DAAM2: variants seen among roughly 807,000 people sequenced by gnomAD.
DAAM2 encodes the protein disheveled-associated activator of morphogenesis 2.
DAAM2 carries 39 observed loss-of-function variants against 120.7 expected under a neutral mutation model. That is an observed-to-expected ratio of 0.32 (90% CI 0.25 to 0.42). The LOEUF (loss-of-function observed/expected upper bound fraction) is 0.42. Among genes scored for constraint, DAAM2 ranks in the 10% least tolerant of loss-of-function variants. DAAM2 has a pLI of 1.00. For synonymous variants in DAAM2, 488 were observed against 524.9 expected, an observed-to-expected ratio of 0.93 and a Z score of 0.96; for missense variants, 1,283 against 1,401.7, an observed-to-expected ratio of 0.92 and a Z score of 1.35.
chr6:39,837,982 G>T (rs1763174814), intron 1 of DAAM2, among the ~76,000 whole-genome samples: 1 of 152,162 alleles, frequency 6.6e-6, no homozygotes, highest in African/African-American at 2.4e-5. Flanking sequence ...CAAACCACCT[G>T]TACCACCAGC....
At chr6:39,890,063 G>A (rs1379687467) in intron 17 of DAAM2, among the ~76,000 whole-genome samples, 1 of 152,162 alleles carries the variant, frequency 6.6e-6, no homozygotes, top group East Asian at 1.9e-4. Flanking sequence ...AGGAGGCGGA[G>A]GTTGCAGTGA....
At chr6:39,882,867 G>C (rs2504802) in intron 14 of DAAM2, among the ~76,000 whole-genome samples, 94,910 of 151,834 alleles carry the variant, frequency 0.63, 29,729 homozygotes, top group Middle Eastern at 0.7. Context: ...CTGGCCTTCA[G>C]AAGGCCACAG....
At position 39,801,296 on chromosome 6, in the gene DAAM2, C is replaced by T. The variant is rs570096493; in HGVS notation, c.-57+8831C>T. Among the ~76,000 whole-genome samples the T allele has an allele frequency of 6.0e-4, 91 of 152,280 alleles. 2 individuals carry two copies. The highest frequency in any genetic ancestry group is 4.7e-3 in the Admixed American group (72 of 15,308). ...GATTTCTCTACAAATAGAGCTGTGG[C>T]AAAACTGGGCAGACTGAGTGAATGT... On this transcript the variant is annotated intron_variant, in intron 1 of 24. Coordinates refer to ENST00000274867, the MANE Select transcript of DAAM2 (RefSeq NM_001201427.2).
At chr6:39,832,315 C>T (rs778769921) in intron 1 of DAAM2, among the ~76,000 whole-genome samples, 8 of 152,088 alleles carry the variant, frequency 5.3e-5, no homozygotes, top group Non-Finnish European at 1.0e-4. Context: ...TGCCAGCCAG[C>T]CTCCCTGAGC....
chr6:39,808,732 T>C (rs908193180), intron 1 of DAAM2, among the ~76,000 whole-genome samples: 1 of 152,270 alleles, frequency 6.6e-6, no homozygotes, highest in East Asian at 1.9e-4. Flanking sequence ...CCTTGTTATA[T>C]GGCCTTTGTC....
At position 39,904,616 on chromosome 6, in the gene DAAM2, C is replaced by T; in HGVS notation, c.*2579C>T. ...TAGGGCAGTGGGAGGAGAAAATTCTCCAGGTGAATGGGGAAGGGTCTGTTC... is the reference window on the plus strand; with the variant it reads ...TAGGGCAGTGGGAGGAGAAAATTCTTCAGGTGAATGGGGAAGGGTCTGTTC... On this transcript the variant is annotated 3_prime_UTR_variant, in exon 25 of 25. Transcript: ENST00000274867. 2.2e-6 allele frequency: 1 copy of T among 454,170 alleles called. No homozygotes were observed. Among genetic ancestry groups the T allele is most frequent in the South Asian group, 1.6e-5 (1 of 64,474 alleles). The allele number at this position is 454,170 out of a possible 1,614,324, so 28.1% of individuals were successfully genotyped here. A position where few individuals can be genotyped will look rare whatever the true frequency, so the allele number is the denominator to read the frequency against.
intron 6 of DAAM2, chr6:39,868,204 A>G (rs1014464965): frequency 3.5e-6 from 1 of 289,072 alleles, no homozygotes; most frequent in Non-Finnish European, 6.6e-6. Context: ...ATTGAGTGCA[A>G]TTGCTGAGAT....
intron 14 of DAAM2, among the ~76,000 whole-genome samples, chr6:39,880,919 A>G (rs980705390): frequency 1.3e-5 from 2 of 152,250 alleles, no homozygotes; most frequent in Non-Finnish European, 1.5e-5. Context: ...CAAACTGCAC[A>G]TGAGTAGGCC....
At chr6:39,888,589 C>G in intron 16 of DAAM2, 90 bp from the exon 17 acceptor site, 1 of 1,049,020 alleles carries the variant, frequency 9.5e-7, no homozygotes, top group East Asian at 2.4e-5. Context: ...ATTCCCAAGT[C>G]CTGTTAGGGA....
chr6:39,806,274 G>A (rs950154416), intron 1 of DAAM2, among the ~76,000 whole-genome samples: 2 of 152,226 alleles, frequency 1.3e-5, no homozygotes, highest in Admixed American at 6.5e-5. Flanking sequence ...TTTGGGAGTA[G>A]AAGGACATTG....
At chr6:39,871,456 G>A in intron 8 of DAAM2, 50 bp from the exon 9 acceptor site, 2 of 1,508,192 alleles carry the variant, frequency 1.3e-6, no homozygotes, top group Non-Finnish European at 1.8e-6. Flanking sequence ...TCAACCAAGG[G>A]TGTGTCCTGG....
At chr6:39,869,037 T>G (rs1018607124) in intron 7 of DAAM2, 104 bp downstream of exon 7, 10 of 873,608 alleles carry the variant, frequency 1.1e-5, no homozygotes, top group Non-Finnish European at 1.8e-5. Flanking sequence ...CTATTAAACC[T>G]GGGAGGGCTC....
chr6:39,902,922 CCAGA>C lies in DAAM2; in HGVS notation c.*889_*892del, dbSNP rs1766574813. The C allele has an allele frequency of 6.6e-6, 1 of 152,618 alleles. No homozygotes were observed. The allele number at this position is 152,618 out of a possible 1,614,324, so 9.5% of individuals were successfully genotyped here. On this transcript the variant is annotated 3_prime_UTR_variant, in exon 25 of 25. Transcript: ENST00000274867. ...TGGACACCTGGCCATTGTTGTGAAGCCAGACAGTGACCTCAAATGTTGCCTTGGA... is the reference window on the plus strand; with the variant it reads ...TGGACACCTGGCCATTGTTGTGAAGCCAGTGACCTCAAATGTTGCCTTGGA...
chr6:39,898,764 C>G, intron 21 of DAAM2, 113 bp from the exon 22 acceptor site: 1 of 879,296 alleles, frequency 1.1e-6, no homozygotes, highest in Non-Finnish European at 1.9e-6. Flanking sequence ...GGAACCCAGG[C>G]TCACCGACTC....
chr6:39,869,255 C>T (rs899750746), intron 7 of DAAM2, among the ~76,000 whole-genome samples: 2 of 152,040 alleles, frequency 1.3e-5, no homozygotes, highest in Admixed American at 6.6e-5. Flanking sequence ...TCTGGTTTCC[C>T]TTCCTTTGGG....
At chr6:39,834,883 G>A (rs1763047591) in intron 1 of DAAM2, among the ~76,000 whole-genome samples, 1 of 152,086 alleles carries the variant, frequency 6.6e-6, no homozygotes, top group Admixed American at 6.6e-5. Context: ...GCCAACGCAC[G>A]GGCTCAGTTT....
At chr6:39,831,625 CAA>C (rs892965230) in intron 1 of DAAM2, among the ~76,000 whole-genome samples, 8 of 150,964 alleles carry the variant, frequency 5.3e-5, no homozygotes, top group African/African-American at 1.7e-4. Flanking sequence ...GCCAGGGCCA[CAA>C]AGACAGTAAA....
At position 39,904,275 on chromosome 6, in the gene DAAM2, T is replaced by C. The variant is rs1263790441; in HGVS notation, c.*2238T>C. 1 of 456,762 alleles carries C rather than the reference T, an allele frequency of 2.2e-6. No homozygotes were observed. Among genetic ancestry groups the C allele is most frequent in the Non-Finnish European group, 4.4e-6 (1 of 226,982 alleles). 28.3% of individuals were successfully genotyped at this position (456,762 alleles called of 1,614,324 possible). On this transcript the variant is annotated 3_prime_UTR_variant, in exon 25 of 25. Coordinates refer to ENST00000274867, the MANE Select transcript of DAAM2 (RefSeq NM_001201427.2). Reference sequence around the variant, plus strand: ...CAGCCTTCTCACTCTAAAAGAAAGATATTTTTCTATTTATTTTCTACATCT... The same window carrying C: ...CAGCCTTCTCACTCTAAAAGAAAGACATTTTTCTATTTATTTTCTACATCT...
chr6:39,802,524 T>A (rs1273060558), intron 1 of DAAM2, among the ~76,000 whole-genome samples: 1 of 152,152 alleles, frequency 6.6e-6, no homozygotes, highest in Non-Finnish European at 1.5e-5. Flanking sequence ...AGGATGAAGA[T>A]GATGATGGTG....
Sources: allele counts gnomAD v4.1 joint callset (sites outside exome capture counted in the v4.1 genomes callset), GRCh38; gene constraint gnomAD v4.1.1; transcripts MANE v1.5; gene names NCBI Gene and HGNC (gene_info 2026-07-23, HGNC 2026-07-21).